ZCCHC17: variants seen among roughly 807,000 people sequenced by gnomAD.
ZCCHC17 encodes zinc finger CCHC domain-containing protein 17.
Under a neutral mutation model 30.6 loss-of-function variants are expected in ZCCHC17, and 18 were observed. That is an observed-to-expected ratio of 0.59 (90% CI 0.41 to 0.87). The LOEUF is 0.87. ZCCHC17 is among the 40% of genes least tolerant of loss of function. ZCCHC17 has a pLI of 0.00. For missense variants in ZCCHC17, 263 were observed against 284.2 expected, an observed-to-expected ratio of 0.93 and a Z score of 0.54; for synonymous variants, 88 against 92.4, an observed-to-expected ratio of 0.95 and a Z score of 0.27.
intron 1 of ZCCHC17, among the ~76,000 whole-genome samples, chr1:31,302,625 G>A (rs1267516262): frequency 6.6e-6 from 1 of 152,154 alleles, no homozygotes; most frequent in Non-Finnish European, 1.5e-5. Context: ...AGAACTCCCT[G>A]AGACTGGGTA....
intron 7 of ZCCHC17, among the ~76,000 whole-genome samples, chr1:31,353,365 A>T (rs1483546282): frequency 6.6e-6 from 1 of 152,054 alleles, no homozygotes; most frequent in Non-Finnish European, 1.5e-5. Flanking sequence ...TCCCTATCAG[A>T]TTTAGACTTT....
At chr1:31,322,786 A>G (rs191309320) in intron 3 of ZCCHC17, among the ~76,000 whole-genome samples, 12 of 151,500 alleles carry the variant, frequency 7.9e-5, no homozygotes, top group South Asian at 2.1e-4. Context: ...CAGTGGTGCA[A>G]TATCAGCTCA....
chr1:31,364,166 G>A lies in ZCCHC17; in HGVS notation c.699G>A (p.Lys233=), dbSNP rs143685465. 72 of 1,613,574 alleles carry A rather than the reference G, an allele frequency of 4.5e-5. No homozygotes were observed. The African/African-American group carries it at 7.7e-4, about 17-fold the overall frequency. The change falls in exon 8 of 8, where the codon AAG becomes AAA. Residue 233 remains lysine, a synonymous_variant. Transcript: ENST00000344147. The stretch of plus-strand genomic sequence containing the variant: ...CAGCAAAGAAGAAGAAAAAGAAGAA[G>A]AAGCACAAGAAGAAGCACAAGGAGT... ...SKAAKKKKKK[K]KHKKKHKE is the part of the protein sequence containing the mutation.
chr1:31,318,370 G>A, intron 2 of ZCCHC17: 1 of 694,062 alleles, frequency 1.4e-6, no homozygotes, highest in Non-Finnish European at 2.3e-6. Context: ...CTAGAGCCTA[G>A]GTTAATGATT....
rs1436573579 is a variant in ZCCHC17 at position 31,343,802 on chromosome 1, C to T, written c.318-2838C>T. Among the ~76,000 whole-genome samples the T allele has an allele frequency of 6.6e-5, 10 of 150,542 alleles. No homozygotes were observed. The East Asian group carries it at 1.9e-3, about 29-fold the overall frequency. On this transcript the variant is annotated intron_variant, in intron 5 of 7. Transcript: ENST00000344147. Reference sequence around the variant, plus strand: ...TCAAGTGATCCTCCTCCTTCAGCCTCCCAAGTAGCCAAGACTATAGGTCCA... The same window carrying T: ...TCAAGTGATCCTCCTCCTTCAGCCTTCCAAGTAGCCAAGACTATAGGTCCA...
rs6676354 is a variant in ZCCHC17 at position 31,327,899 on chromosome 1, A to G, written c.124+8733A>G. Among the ~76,000 whole-genome samples, 58 of 151,902 alleles carry G rather than the reference A, an allele frequency of 3.8e-4. 1 individual carries two copies. The highest frequency in any genetic ancestry group is 1.4e-3 in the African/African-American group (56 of 41,432). On this transcript the variant is annotated intron_variant, in intron 3 of 7. Transcript: ENST00000344147. Reference sequence around the variant, plus strand: ...AACTTTGAGTACTATGCTGAGTACTACTGTAATGGGATGATTAATATCCCA... The same window carrying G: ...AACTTTGAGTACTATGCTGAGTACTGCTGTAATGGGATGATTAATATCCCA...
At chr1:31,347,544 A>G (rs1178839371) in intron 6 of ZCCHC17, among the ~76,000 whole-genome samples, 2 of 152,228 alleles carry the variant, frequency 1.3e-5, no homozygotes, top group Non-Finnish European at 2.9e-5. Flanking sequence ...CATTCCAGGT[A>G]TTTGGAAAAC....
chr1:31,327,795 A>C (rs1002915765), intron 3 of ZCCHC17, among the ~76,000 whole-genome samples: 2 of 152,214 alleles, frequency 1.3e-5, no homozygotes, highest in Non-Finnish European at 2.9e-5. Flanking sequence ...TCAAAAGGTA[A>C]AAGTTCTCAA....
chr1:31,331,392 C>T (rs1638578952), intron 3 of ZCCHC17, among the ~76,000 whole-genome samples: 1 of 152,062 alleles, frequency 6.6e-6, no homozygotes, highest in South Asian at 2.1e-4. Flanking sequence ...GTGATCCGCC[C>T]ACCTCAGCCT....
chr1:31,332,525 A>C (rs1638632503), intron 3 of ZCCHC17, among the ~76,000 whole-genome samples: 1 of 152,008 alleles, frequency 6.6e-6, no homozygotes, highest in Admixed American at 6.5e-5. Context: ...AAAATATATA[A>C]ATTTTTATGA....
At chr1:31,354,781 C>T (rs918455211) in intron 7 of ZCCHC17, among the ~76,000 whole-genome samples, 2 of 152,170 alleles carry the variant, frequency 1.3e-5, no homozygotes, top group Non-Finnish European at 2.9e-5. Flanking sequence ...TTATGACCTG[C>T]TTAGTCAACC....
chr1:31,343,715 G>T (rs1469560347), intron 5 of ZCCHC17, among the ~76,000 whole-genome samples: 1 of 145,240 alleles, frequency 6.9e-6, no homozygotes, highest in African/African-American at 2.6e-5. Flanking sequence ...TTGAGACAGG[G>T]TCTTTGTCTC....
intron 4 of ZCCHC17, among the ~76,000 whole-genome samples, chr1:31,338,515 C>T (rs554943590): frequency 3.3e-5 from 5 of 152,118 alleles, no homozygotes; most frequent in South Asian, 2.1e-4. Flanking sequence ...TCATGTGCTG[C>T]GGGAAGCAAA....
At chr1:31,345,580 A>AT (rs1245942266) in intron 5 of ZCCHC17, among the ~76,000 whole-genome samples, 2 of 138,656 alleles carry the variant, frequency 1.4e-5, no homozygotes, top group African/African-American at 5.4e-5. Context: ...ATATATATAT[A>AT]TATTAGTTCT....
chr1:31,302,183 G>A (rs771979024), intron 1 of ZCCHC17, among the ~76,000 whole-genome samples: 6 of 152,014 alleles, frequency 3.9e-5, no homozygotes, highest in African/African-American at 1.4e-4. Flanking sequence ...AGTCGAGATC[G>A]CACCACTGCC....
At chr1:31,301,833 A>C (rs896933624) in intron 1 of ZCCHC17, among the ~76,000 whole-genome samples, 2 of 152,096 alleles carry the variant, frequency 1.3e-5, no homozygotes, top group Non-Finnish European at 2.9e-5. Flanking sequence ...TATTTTCTCA[A>C]CAGGTCCACG....
intron 2 of ZCCHC17, among the ~76,000 whole-genome samples, chr1:31,316,879 A>G (rs7512353): frequency 0.99 from 150,728 of 152,262 alleles, 74,620 homozygotes; most frequent in Middle Eastern, 1. Flanking sequence ...CAAGTGCTCC[A>G]TCCGATGTCT....
intron 3 of ZCCHC17, among the ~76,000 whole-genome samples, chr1:31,325,992 TA>T (rs71569978): frequency 0.16 from 22,406 of 138,536 alleles, 1,660 homozygotes; most frequent in African/African-American, 0.19. Flanking sequence ...CCCTGTCCCT[TA>T]AAAAAAAAAA....
At chr1:31,334,904 G>A (rs1364708520) in intron 3 of ZCCHC17, among the ~76,000 whole-genome samples, 1 of 152,168 alleles carries the variant, frequency 6.6e-6, no homozygotes, top group Non-Finnish European at 1.5e-5. Flanking sequence ...TTTTCCTGAA[G>A]CATATAGTTT....
Sources: allele counts gnomAD v4.1 joint callset (sites outside exome capture counted in the v4.1 genomes callset), GRCh38; gene constraint gnomAD v4.1.1; transcripts MANE v1.5; gene names NCBI Gene and HGNC (gene_info 2026-07-23, HGNC 2026-07-21).